Variants in NCAM2 observed in about 807,000 individuals in gnomAD.
The protein encoded by NCAM2 is neural cell adhesion molecule 2.
Under a neutral mutation model 98.1 loss-of-function variants are expected in NCAM2, and 30 were observed. That is an observed-to-expected ratio of 0.31 (90% CI 0.23 to 0.41). The LOEUF (loss-of-function observed/expected upper bound fraction) is 0.41. Among genes scored for constraint, NCAM2 ranks in the 10% least tolerant of loss-of-function variants. The pLI is 1.00. For missense variants in NCAM2, 867 were observed against 1,005.8 expected (o/e 0.86, Z 1.87); for synonymous variants, 368 against 342.4 (o/e 1.07, Z -0.83).
intron 1 of NCAM2, among the ~76,000 whole-genome samples, chr21:21,144,697 A>G (rs1162839925): frequency 6.6e-6 from 1 of 152,130 alleles, no homozygotes; most frequent in Non-Finnish European, 1.5e-5. Context: ...TTTAAGTCAA[A>G]CACCTCTGTT....
At chr21:21,195,033 C>G (rs2146986124) in intron 1 of NCAM2, among the ~76,000 whole-genome samples, 1 of 152,148 alleles carries the variant, frequency 6.6e-6, no homozygotes. Context: ...CCAGTTTTCT[C>G]TGTGAAATGA....
At chr21:21,295,955 A>G (rs1437297101) in intron 5 of NCAM2, among the ~76,000 whole-genome samples, 1 of 151,818 alleles carries the variant, frequency 6.6e-6, no homozygotes, top group Admixed American at 6.6e-5. Flanking sequence ...GTGATCATTT[A>G]TGACAAATTT....
At chr21:21,416,070 T>G (rs776595457) in intron 10 of NCAM2, among the ~76,000 whole-genome samples, 3 of 152,200 alleles carry the variant, frequency 2.0e-5, no homozygotes, top group Non-Finnish European at 4.4e-5. Flanking sequence ...CTCACTAAGC[T>G]TCATCATGTT....
chr21:21,164,196 T>C (rs2146799338), intron 1 of NCAM2, among the ~76,000 whole-genome samples: 1 of 152,358 alleles, frequency 6.6e-6, no homozygotes, highest in Non-Finnish European at 1.5e-5. Flanking sequence ...GTACTGTAAC[T>C]TACAGAATTG....
intron 1 of NCAM2, among the ~76,000 whole-genome samples, chr21:21,131,745 G>T (rs2146615055): frequency 6.6e-6 from 1 of 152,124 alleles, no homozygotes; most frequent in South Asian, 2.1e-4. Context: ...TATGAAAATT[G>T]TATGCTTCTC....
At chr21:21,302,145 A>C (rs1018653174) in intron 5 of NCAM2, among the ~76,000 whole-genome samples, 3 of 150,768 alleles carry the variant, frequency 2.0e-5, no homozygotes, top group Non-Finnish European at 4.4e-5. Context: ...TCATGCTGCT[A>C]TAAAGACACA....
chr21:21,241,373 G>C (rs1327055092), intron 1 of NCAM2, among the ~76,000 whole-genome samples: 1 of 151,954 alleles, frequency 6.6e-6, no homozygotes, highest in Non-Finnish European at 1.5e-5. Flanking sequence ...AGTTTATATA[G>C]GCTGGGTCTT....
intron 9 of NCAM2, among the ~76,000 whole-genome samples, chr21:21,404,982 C>T (rs376451711): frequency 1.5e-4 from 23 of 151,772 alleles, no homozygotes; most frequent in African/African-American, 3.6e-4. Context: ...CATGTAGTAA[C>T]GCATTTTACA....
At chr21:21,286,441 T>C (rs748507117) in intron 4 of NCAM2, 29 bp downstream of exon 4, 38 of 1,604,542 alleles carry the variant, frequency 2.4e-5, no homozygotes, top group Non-Finnish European at 3.2e-5. Flanking sequence ...CCCTAAGTTA[T>C]ATGTTCTAAT....
intron 6 of NCAM2, among the ~76,000 whole-genome samples, chr21:21,331,195 G>T (rs1404987288): frequency 6.6e-6 from 1 of 151,782 alleles, no homozygotes; most frequent in African/African-American, 2.4e-5. Flanking sequence ...ACCTGGGCAG[G>T]AGTGCAGTGG....
intron 1 of NCAM2, among the ~76,000 whole-genome samples, chr21:21,111,331 A>G (rs1601398321): frequency 6.6e-6 from 1 of 152,176 alleles, no homozygotes; most frequent in East Asian, 1.9e-4. Flanking sequence ...TGCATTGAGG[A>G]TTGAAAGCAC....
At chr21:21,057,339 G>A (rs1023247187) in intron 1 of NCAM2, among the ~76,000 whole-genome samples, 3 of 151,888 alleles carry the variant, frequency 2.0e-5, no homozygotes, top group African/African-American at 7.3e-5. Flanking sequence ...CCTATGAATG[G>A]GTAAACCAGT....
chr21:21,072,428 T>C (rs373429218), intron 1 of NCAM2, among the ~76,000 whole-genome samples: 15 of 152,280 alleles, frequency 9.9e-5, no homozygotes, highest in East Asian at 5.8e-4. Context: ...GAAATACTTA[T>C]AGAAAACTTA....
intron 1 of NCAM2, among the ~76,000 whole-genome samples, chr21:21,278,800 A>AT (rs536603715): frequency 7.9e-5 from 12 of 151,836 alleles, no homozygotes; most frequent in East Asian, 3.9e-4. Flanking sequence ...TTATTTATTT[A>AT]TTTTTTTTGG....
chr21:21,431,805 T>C (rs1019675786), intron 11 of NCAM2, among the ~76,000 whole-genome samples: 8 of 152,176 alleles, frequency 5.3e-5, no homozygotes, highest in Admixed American at 2.0e-4. Context: ...GAGATTGTTT[T>C]CCTGGACCTC....
intron 8 of NCAM2, among the ~76,000 whole-genome samples, chr21:21,345,929 A>G (rs1053197718): frequency 3.9e-5 from 6 of 152,090 alleles, no homozygotes; most frequent in African/African-American, 1.4e-4. Context: ...ACTAAATCAT[A>G]TCACCAGAGA....
intron 12 of NCAM2, among the ~76,000 whole-genome samples, chr21:21,456,039 T>C (rs180950384): frequency 2.6e-5 from 4 of 152,210 alleles, no homozygotes; most frequent in Admixed American, 2.6e-4. Flanking sequence ...AGTGTTGCAA[T>C]TGGTGCGTTG....
chr21:21,465,187 G>A (rs966934), intron 12 of NCAM2, among the ~76,000 whole-genome samples: 84,926 of 151,792 alleles, frequency 0.56, 25,143 homozygotes, highest in African/African-American at 0.7. Context: ...CTGGTATTAA[G>A]TAATTTTTAT....
At chr21:21,435,631 T>A (rs988253626) in intron 12 of NCAM2, among the ~76,000 whole-genome samples, 1 of 152,144 alleles carries the variant, frequency 6.6e-6, no homozygotes, top group African/African-American at 2.4e-5. Context: ...CTTAGGTATT[T>A]AATGTTTTTT....
Sources: gnomAD v4.1 joint callset for allele counts (sites outside exome capture counted in the v4.1 genomes callset) on GRCh38, gnomAD v4.1.1 for gene constraint, MANE v1.5 for transcripts, NCBI Gene and HGNC (gene_info 2026-07-23, HGNC 2026-07-21) for gene names.